The following NLGN1 variants were observed in gnomAD, a reference collection of about 807,000 sequenced individuals.
The protein encoded by NLGN1 is neuroligin 1, also known as neuroligin-1.
NLGN1 carries 12 observed loss-of-function variants against 65.5 expected under a neutral mutation model. That is an observed-to-expected ratio of 0.18 (90% CI 0.12 to 0.30). NLGN1 has a LOEUF of 0.30. NLGN1 is among the 10% of genes least tolerant of loss of function. The probability of loss-of-function intolerance (pLI) is 1.00; values close to 1 mark genes in which losing one functional copy is unlikely to be tolerated. For missense variants in NLGN1, 750 were observed against 1,007.1 expected (o/e 0.74, Z 3.46); for synonymous variants, 350 against 359.5 (o/e 0.97, Z 0.30).
At chr3:174,011,023 A>C (rs1205792806) in intron 4 of NLGN1, among the ~76,000 whole-genome samples, 2 of 152,170 alleles carry the variant, frequency 1.3e-5, no homozygotes, top group East Asian at 1.9e-4. Flanking sequence ...ATACATTAAC[A>C]GGAAACCATT....
chr3:173,976,652 TC>T (rs1278800668), intron 4 of NLGN1, among the ~76,000 whole-genome samples: 4 of 152,058 alleles, frequency 2.6e-5, no homozygotes, highest in Non-Finnish European at 1.5e-5. Flanking sequence ...CTGATTGTCT[TC>T]ATTTCATTTT....
chr3:173,511,427 A>C (rs946413987), intron 2 of NLGN1, among the ~76,000 whole-genome samples: 1 of 151,676 alleles, frequency 6.6e-6, no homozygotes, highest in African/African-American at 2.4e-5. Flanking sequence ...GTACATTCTA[A>C]GTGTTAACAC....
intron 4 of NLGN1, among the ~76,000 whole-genome samples, chr3:174,123,404 GTTGTTGTTTTGTTTACCTT>G (rs2152651735): frequency 8.3e-6 from 1 of 119,976 alleles, no homozygotes; most frequent in East Asian, 2.8e-4. Context: ...GGCTGTTTTT[GTTGTTGTTTTGTTTACCTT>G]TTGTTTTGTT....
At chr3:173,666,691 G>C (rs1023622190) in intron 3 of NLGN1, among the ~76,000 whole-genome samples, 1 of 152,126 alleles carries the variant, frequency 6.6e-6, no homozygotes. Flanking sequence ...TGTCCTGAAG[G>C]TGAAAACTCT....
chr3:173,462,125 T>C (rs1360082226), intron 2 of NLGN1, among the ~76,000 whole-genome samples: 1 of 152,220 alleles, frequency 6.6e-6, no homozygotes, highest in Admixed American at 6.5e-5. Context: ...TTTGAATTCC[T>C]ATAAAAGTCT....
chr3:173,582,944 G>A (rs111585176), intron 2 of NLGN1, among the ~76,000 whole-genome samples: 1,690 of 152,090 alleles, frequency 0.011, 38 homozygotes, highest in African/African-American at 0.039. Flanking sequence ...TTGCAATCTT[G>A]TATTATCATT....
intron 4 of NLGN1, among the ~76,000 whole-genome samples, chr3:173,895,776 T>G (rs1171723153): frequency 2.0e-5 from 3 of 151,832 alleles, no homozygotes; most frequent in African/African-American, 4.8e-5. Flanking sequence ...CTACAACCTC[T>G]CCCTCCTGGG....
At chr3:173,821,649 A>T (rs1031785592) in intron 4 of NLGN1, among the ~76,000 whole-genome samples, 1 of 152,110 alleles carries the variant, frequency 6.6e-6, no homozygotes, top group Non-Finnish European at 1.5e-5. Context: ...AAAGCAATTT[A>T]TAGTCTACAA....
intron 4 of NLGN1, among the ~76,000 whole-genome samples, chr3:174,212,809 A>G (rs1736940395): frequency 6.6e-6 from 1 of 152,220 alleles, no homozygotes; most frequent in Admixed American, 6.5e-5. Context: ...TCCTTCCTGA[A>G]GGGGAATCCA....
intron 4 of NLGN1, among the ~76,000 whole-genome samples, chr3:173,812,615 G>A (rs1450283109): frequency 1.3e-5 from 2 of 151,402 alleles, no homozygotes; most frequent in Non-Finnish European, 2.9e-5. Context: ...CTTGTATTCC[G>A]GGCTACCCAG....
chr3:174,064,814 A>T (rs932857326), intron 4 of NLGN1, among the ~76,000 whole-genome samples: 2 of 150,592 alleles, frequency 1.3e-5, no homozygotes, highest in African/African-American at 4.8e-5. Context: ...GAGTAAAAAA[A>T]GAAATAAGAA....
Position 174,279,799 on chromosome 3 carries a change from G to A in NLGN1, c.1649+149G>A, listed in dbSNP as rs1441158978. The A allele has an allele frequency of 8.6e-6, 5 of 583,616 alleles. No individual in the cohort carries two copies. The Admixed American group carries it at 1.1e-4, about 12-fold the overall frequency. The allele number at this position is 583,616 out of a possible 1,614,324, so 36.2% of individuals were successfully genotyped here. ...TTATTCAAAATTAATTCTATATTATGGTGTTTTTAAAAGTCATTGCTTTAT... is the reference window on the plus strand; with the variant it reads ...TTATTCAAAATTAATTCTATATTATAGTGTTTTTAAAAGTCATTGCTTTAT... On this transcript the variant is annotated intron_variant, in intron 6 of 6. Transcript: ENST00000457714. This position sits in a 1 kb window ranked among gnomAD's most constrained non-coding sequence, Gnocchi z 4.7.
At chr3:173,864,940 G>A (rs1729842034) in intron 4 of NLGN1, among the ~76,000 whole-genome samples, 1 of 152,082 alleles carries the variant, frequency 6.6e-6, no homozygotes, top group Non-Finnish European at 1.5e-5. Flanking sequence ...GGTTTTGATG[G>A]GATATATGAT....
intron 4 of NLGN1, among the ~76,000 whole-genome samples, chr3:173,937,537 G>A (rs1177984133): frequency 4.6e-5 from 7 of 152,046 alleles, no homozygotes; most frequent in African/African-American, 1.7e-4. Flanking sequence ...TTAAAAATCT[G>A]AACTTTGTGA....
intron 4 of NLGN1, among the ~76,000 whole-genome samples, chr3:174,010,596 GAC>G: frequency 6.6e-6 from 1 of 152,140 alleles, no homozygotes; most frequent in Non-Finnish European, 1.5e-5. Context: ...TCTACATATA[GAC>G]ACAATTCTTC....
intron 4 of NLGN1, among the ~76,000 whole-genome samples, chr3:173,998,337 C>T (rs1488351723): frequency 6.6e-6 from 1 of 152,124 alleles, no homozygotes; most frequent in African/African-American, 2.4e-5. Flanking sequence ...TTTATCCAAG[C>T]TTACAACACA....
chr3:173,591,299 A>G (rs1259555793), intron 2 of NLGN1, among the ~76,000 whole-genome samples: 1 of 152,172 alleles, frequency 6.6e-6, no homozygotes, highest in Admixed American at 6.6e-5. Flanking sequence ...TATTAGTACT[A>G]ATGCAACTTT....
intron 2 of NLGN1, among the ~76,000 whole-genome samples, chr3:173,500,050 T>G (rs1730778495): frequency 6.6e-6 from 1 of 152,136 alleles, no homozygotes; most frequent in African/African-American, 2.4e-5. Flanking sequence ...TATTTCCTTC[T>G]CCTGCCTGAT....
chr3:173,817,702 A>G (rs887580284), intron 4 of NLGN1, among the ~76,000 whole-genome samples: 3 of 152,178 alleles, frequency 2.0e-5, no homozygotes, highest in African/African-American at 7.2e-5. Flanking sequence ...AGATTATAAT[A>G]TAGTAATCTA....
Sources: allele counts gnomAD v4.1 joint callset (sites outside exome capture counted in the v4.1 genomes callset), GRCh38; gene constraint gnomAD v4.1.1; non-coding constraint Gnocchi (gnomAD v3.1); transcripts MANE v1.5; gene names NCBI Gene and HGNC (gene_info 2026-07-23, HGNC 2026-07-21).